The following EPHA6 variants were observed in gnomAD, a reference collection of about 807,000 sequenced individuals.
The protein encoded by EPHA6 is EPH receptor A6.
In EPHA6, 50 loss-of-function variants were observed where a neutral mutation model predicts 112.0. The ratio of observed to expected loss-of-function variants is 0.45; its 90% CI spans 0.36 to 0.56. EPHA6 has a LOEUF of 0.56. EPHA6 is among the 20% of genes least tolerant of loss of function. The pLI is 0.00. For synonymous variants in EPHA6, 529 were observed against 490.7 expected (o/e 1.08, Z -1.03); for missense variants, 1,280 against 1,417.4 (o/e 0.90, Z 1.56).
chr3:96,887,345 G>C (rs2037689553), intron 2 of EPHA6, among the ~76,000 whole-genome samples: 1 of 152,190 alleles, frequency 6.6e-6, no homozygotes, highest in South Asian at 2.1e-4. Context: ...GATCTGCAGT[G>C]ATTGTCTTCT....
At chr3:97,191,636 G>T (rs1229876367) in intron 3 of EPHA6, among the ~76,000 whole-genome samples, 1 of 151,976 alleles carries the variant, frequency 6.6e-6, no homozygotes, top group Admixed American at 6.6e-5. Context: ...CTATGTTGTT[G>T]CAAGTGACAG....
intron 11 of EPHA6, among the ~76,000 whole-genome samples, chr3:97,540,463 GA>G (rs1298300314): frequency 6.6e-6 from 1 of 152,146 alleles, no homozygotes; most frequent in Admixed American, 6.5e-5. Context: ...CTTCTTATAA[GA>G]AAAGAATAAA....
chr3:97,642,881 G>A lies in EPHA6; in HGVS notation c.2784+4799G>A, dbSNP rs1274339826. ...AAAACACTCTGCAGGATATTATCCA[G>A]GAGAACTCTCCCCAATCTAGCAAGG... On this transcript the variant is annotated intron_variant, in intron 14 of 17. Coordinates refer to ENST00000389672, the MANE Select transcript of EPHA6 (RefSeq NM_001080448.3). Among the ~76,000 whole-genome samples the A allele has an allele frequency of 2.1e-3, 5 of 2,402 alleles. No individual in the cohort carries two copies. In the Non-Finnish European group the frequency reaches 0.15, roughly 71 times the overall value. The allele number at this position is 2,402 out of a possible 152,430, so 1.6% of individuals were successfully genotyped here.
At chr3:97,644,456 A>G (rs2094039329) in intron 14 of EPHA6, among the ~76,000 whole-genome samples, 1 of 151,260 alleles carries the variant, frequency 6.6e-6, no homozygotes, top group South Asian at 2.1e-4. Flanking sequence ...AACTGAAGGA[A>G]ATAGAGACAC....
At chr3:97,526,727 C>A in intron 10 of EPHA6, among the ~76,000 whole-genome samples, 1 of 152,224 alleles carries the variant, frequency 6.6e-6, no homozygotes, top group South Asian at 2.1e-4. Flanking sequence ...GTTGTCAAGC[C>A]CATTAGCACT....
chr3:97,167,837 T>C (rs1246869037), intron 3 of EPHA6, among the ~76,000 whole-genome samples: 1 of 151,970 alleles, frequency 6.6e-6, no homozygotes, highest in East Asian at 1.9e-4. Flanking sequence ...GGAATCCAAA[T>C]ATTCTTAAAA....
At chr3:97,097,114 T>C (rs1019350280) in intron 3 of EPHA6, among the ~76,000 whole-genome samples, 1 of 151,684 alleles carries the variant, frequency 6.6e-6, no homozygotes, top group Non-Finnish European at 1.5e-5. Context: ...TAGTTTAAGC[T>C]GAAAGAATTT....
intron 5 of EPHA6, among the ~76,000 whole-genome samples, chr3:97,373,120 A>G (rs969492313): frequency 5.9e-5 from 9 of 152,082 alleles, no homozygotes; most frequent in African/African-American, 2.2e-4. Context: ...TATCAAACAA[A>G]TTTGCTTCTC....
At chr3:96,866,971 G>A in intron 2 of EPHA6, 82 bp downstream of exon 2, 2 of 751,266 alleles carry the variant, frequency 2.7e-6, no homozygotes, top group South Asian at 2.4e-5. Context: ...TGAATTTTGG[G>A]CCCTACTTGT....
chr3:97,363,259 CTAAAG>C (rs1317796801), intron 5 of EPHA6, among the ~76,000 whole-genome samples: 1 of 95,802 alleles, frequency 1.0e-5, no homozygotes, highest in African/African-American at 4.7e-5. Flanking sequence ...GCTACAAAAA[CTAAAG>C]TAAATTATTT....
At chr3:97,672,601 C>G (rs2030958691) in intron 14 of EPHA6, among the ~76,000 whole-genome samples, 1 of 151,692 alleles carries the variant, frequency 6.6e-6, no homozygotes, top group South Asian at 2.1e-4. Flanking sequence ...GTATTTCTAC[C>G]CTACTCTTCT....
intron 10 of EPHA6, among the ~76,000 whole-genome samples, chr3:97,503,383 A>G (rs1054827016): frequency 1.3e-5 from 2 of 152,238 alleles, no homozygotes; most frequent in African/African-American, 4.8e-5. Flanking sequence ...GTGAGCTGAA[A>G]AAGTTTGTTT....
chr3:96,993,124 G>A (rs545575915), intron 3 of EPHA6, among the ~76,000 whole-genome samples: 1 of 152,060 alleles, frequency 6.6e-6, no homozygotes, highest in Non-Finnish European at 1.5e-5. Flanking sequence ...TTTAGATCTG[G>A]AAGGCCTTAG....
intron 7 of EPHA6, among the ~76,000 whole-genome samples, chr3:97,472,456 A>T (rs2091255450): frequency 6.6e-6 from 1 of 151,740 alleles, no homozygotes; most frequent in South Asian, 2.1e-4. Flanking sequence ...GAAGAAATTC[A>T]GTATGCTTAA....
chr3:97,184,212 T>G (rs1018915761), intron 3 of EPHA6, among the ~76,000 whole-genome samples: 2 of 152,098 alleles, frequency 1.3e-5, no homozygotes, highest in African/African-American at 4.8e-5. Flanking sequence ...AATACAAGGT[T>G]AGAAGTAAAA....
intron 3 of EPHA6, among the ~76,000 whole-genome samples, chr3:97,086,776 G>C (rs139409420): frequency 4.1e-4 from 62 of 151,992 alleles, no homozygotes; most frequent in African/African-American, 1.4e-3. Flanking sequence ...TTGTACATGG[G>C]AATTTATTAC....
intron 1 of EPHA6, among the ~76,000 whole-genome samples, chr3:96,837,418 G>A (rs1215170272): frequency 6.6e-6 from 1 of 152,022 alleles, no homozygotes; most frequent in Non-Finnish European, 1.5e-5. Context: ...TTATGATGAG[G>A]GAGAATCAGC....
chr3:97,389,002 C>G (rs1212706999), intron 5 of EPHA6, among the ~76,000 whole-genome samples: 1 of 151,940 alleles, frequency 6.6e-6, no homozygotes, highest in African/African-American at 2.4e-5. Flanking sequence ...TGTTGTGGGC[C>G]CATTTTGAGC....
At chr3:97,067,892 C>G (rs953981829) in intron 3 of EPHA6, among the ~76,000 whole-genome samples, 1 of 151,854 alleles carries the variant, frequency 6.6e-6, no homozygotes, top group Admixed American at 6.6e-5. Context: ...CCTGTAATCC[C>G]AACACTTTGG....
Sources: gnomAD v4.1 joint callset for allele counts (sites outside exome capture counted in the v4.1 genomes callset) on GRCh38, gnomAD v4.1.1 for gene constraint, MANE v1.5 for transcripts, NCBI Gene and HGNC (gene_info 2026-07-23, HGNC 2026-07-21) for gene names.